Variants in MMP17 observed in about 807,000 individuals in gnomAD.
MMP17 encodes matrix metallopeptidase 17, also known as matrix metalloproteinase-17.
In MMP17, 54 loss-of-function variants were observed where a neutral mutation model predicts 49.1. The ratio of observed to expected loss-of-function variants is 1.10; its 90% CI spans 0.88 to 1.38. MMP17 has a LOEUF of 1.38. Ranked by LOEUF, MMP17 falls within the 40% of genes most tolerant of loss-of-function variation. The pLI, the probability that MMP17 is intolerant of heterozygous loss-of-function variation, is 0.00. For missense variants in MMP17, 837 were observed against 853.7 expected, an observed-to-expected ratio of 0.98 and a Z score of 0.24; for synonymous variants, 397 against 383.1, an observed-to-expected ratio of 1.04 and a Z score of -0.42.
In MMP17 at chr12:131,840,582, G is replaced by T. The variant is rs777423029; in HGVS notation, c.432G>T (p.Thr144=). The T allele has an allele frequency of 4.4e-6, 7 of 1,589,908 alleles. No homozygotes were observed. Among genetic ancestry groups the T allele is most frequent in the Non-Finnish European group, 6.0e-6 (7 of 1,167,022 alleles). Residue 144 remains threonine (T), a synonymous_variant, in exon 4 of 10, where the codon ACG becomes ACT. Transcript: ENST00000360564. ...NKRNLSWRVR[T]FPRDSPLGHD... is the part of the protein sequence containing the mutation. ...TGACCCCTGCCTGCAGGGTCCGGAC[G>T]TTCCCACGGGACTCACCACTGGGGC...
At chr12:131,840,379 C>T (rs1887322946) in intron 3 of MMP17, 194 bp from the exon 4 acceptor site, 2 of 564,738 alleles carry the variant, frequency 3.5e-6, no homozygotes, top group Non-Finnish European at 6.1e-6. Context: ...TTCCCTCCCT[C>T]CGTCATCTAT....
At chr12:131,836,024 C>T (rs1455752252) in intron 1 of MMP17, among the ~76,000 whole-genome samples, 3 of 152,218 alleles carry the variant, frequency 2.0e-5, no homozygotes. Context: ...CCAAGGCTGT[C>T]ACCCCCAAGG....
intron 1 of MMP17, among the ~76,000 whole-genome samples, chr12:131,833,132 C>T (rs897465097): frequency 1.3e-5 from 2 of 152,232 alleles, no homozygotes; most frequent in African/African-American, 4.8e-5. Context: ...AGAACACCCA[C>T]TTCATAAGGT....
intron 5 of MMP17, among the ~76,000 whole-genome samples, chr12:131,843,781 G>C (rs1887546200): frequency 6.6e-6 from 1 of 152,212 alleles, no homozygotes; most frequent in Admixed American, 6.5e-5. Context: ...TTGCAGGGCA[G>C]TGCTCACACA....
At chr12:131,840,486 G>A (rs535346413) in intron 3 of MMP17, 87 bp from the exon 4 acceptor site, 69 of 1,435,472 alleles carry the variant, frequency 4.8e-5, no homozygotes, top group African/African-American at 2.0e-4. Flanking sequence ...GGGCACCCCC[G>A]GGCTGAGGAG....
intron 1 of MMP17, among the ~76,000 whole-genome samples, chr12:131,834,698 G>A (rs1409277497): frequency 2.0e-5 from 3 of 152,048 alleles, no homozygotes; most frequent in Non-Finnish European, 4.4e-5. Flanking sequence ...CTGCAGTGGG[G>A]GGGTTTGCCC....
intron 8 of MMP17, among the ~76,000 whole-genome samples, chr12:131,847,027 C>T (rs545524143): frequency 1.8e-4 from 27 of 150,768 alleles, no homozygotes; most frequent in Admixed American, 1.5e-3. Flanking sequence ...GCAGGAGGAC[C>T]ACCTGAGCCA....
intron 1 of MMP17, among the ~76,000 whole-genome samples, chr12:131,830,598 T>G (rs1226164373): frequency 2.0e-5 from 3 of 152,178 alleles, no homozygotes; most frequent in African/African-American, 7.2e-5. Flanking sequence ...GGCCGGGATC[T>G]GGGCGGGAGC....
At chr12:131,834,457 G>T (rs1237062031) in intron 1 of MMP17, among the ~76,000 whole-genome samples, 2 of 152,180 alleles carry the variant, frequency 1.3e-5, no homozygotes, top group Non-Finnish European at 2.9e-5. Flanking sequence ...CAGGTAGCAG[G>T]TTCCCAGGAT....
chr12:131,840,439 TGGGGAGGAAGGCG>T, intron 3 of MMP17, 121 bp from the exon 4 acceptor site: 3 of 903,662 alleles, frequency 3.3e-6, no homozygotes, highest in East Asian at 2.4e-5. Flanking sequence ...ACTCCTGGCG[TGGGGAGGAAGGCG>T]GAAGATGGGG....
intron 8 of MMP17, among the ~76,000 whole-genome samples, chr12:131,849,597 T>C (rs6598165): frequency 1 from 151,974 of 152,308 alleles, 75,822 homozygotes; most frequent in East Asian, 1. Context: ...CTGGATGGGA[T>C]GGCCCGGACT....
Position 131,841,700 on chromosome 12 carries a change from T to C in MMP17, c.783T>C (p.Ala261=). The change falls in exon 5 of 10, where the codon GCT becomes GCC. Residue 261 remains alanine (A), a synonymous_variant. Coordinates refer to ENST00000360564, the MANE Select transcript of MMP17 (RefSeq NM_016155.7). Reference sequence around the variant, plus strand: ...CCATTGGGTTAAGCCATGTGGCCGCTGCACACTCCATCATGCGGCCGTACT... The same window carrying C: ...CCATTGGGTTAAGCCATGTGGCCGCCGCACACTCCATCATGCGGCCGTACT... The part of the protein sequence containing the change: ...GHAIGLSHVA[A]AHSIMRPYYQ... 1 of 1,614,026 alleles carries C rather than the reference T, an allele frequency of 6.2e-7. No homozygotes were observed. The highest frequency in any genetic ancestry group is 8.5e-7 in the Non-Finnish European group (1 of 1,179,988).
At position 131,841,638 on chromosome 12, in the gene MMP17, G is replaced by T; in HGVS notation, c.721G>T (p.Asp241Tyr). 6.2e-7 allele frequency: 1 copy of T among 1,614,058 alleles called. No individual in the cohort carries two copies. Among genetic ancestry groups the T allele is most frequent in the Non-Finnish European group, 8.5e-7 (1 of 1,180,018 alleles). ...TFRSSDAHGMDLFAVAVHEFG... is the reference protein window; with the variant it reads ...TFRSSDAHGMYLFAVAVHEFG... Reference sequence around the variant, plus strand: ...TGTGTCCCCAGATGCCCACGGGATGGACCTGTTTGCAGTGGCTGTCCACGA... The same window carrying T: ...TGTGTCCCCAGATGCCCACGGGATGTACCTGTTTGCAGTGGCTGTCCACGA... Residue 241 changes from aspartate (D) to tyrosine (Y), a missense_variant, in exon 5 of 10, where the codon GAC becomes TAC. Physicochemically the swap from Asp to Tyr is radical, Grantham distance 160. Transcript: ENST00000360564.
intron 8 of MMP17, among the ~76,000 whole-genome samples, chr12:131,847,109 TAA>T (rs34505286): frequency 2.9e-5 from 4 of 136,642 alleles, no homozygotes; most frequent in Admixed American, 7.3e-5. Flanking sequence ...AGACCTTGTC[TAA>T]AAAAAAAAAA....
At chr12:131,835,367 C>A (rs1566083245) in intron 1 of MMP17, among the ~76,000 whole-genome samples, 1 of 152,236 alleles carries the variant, frequency 6.6e-6, no homozygotes, top group African/African-American at 2.4e-5. Flanking sequence ...GCCGCTCACA[C>A]CTGCAACTAA....
chr12:131,849,302 G>A (rs966844250), intron 8 of MMP17, among the ~76,000 whole-genome samples: 2 of 152,128 alleles, frequency 1.3e-5, no homozygotes, highest in Non-Finnish European at 2.9e-5. Context: ...TGGCCAACAT[G>A]GTGAAACCCC....
chr12:131,843,956 C>T (rs1489267836), intron 5 of MMP17, 41 bp from the exon 6 acceptor site: 5 of 1,404,070 alleles, frequency 3.6e-6, no homozygotes, highest in Admixed American at 2.3e-5. Flanking sequence ...GGGAGGCGGG[C>T]GTCGGGGGTT....
At chr12:131,838,421 A>G in intron 2 of MMP17, 94 bp downstream of exon 2, 1 of 1,506,256 alleles carries the variant, frequency 6.6e-7, no homozygotes, top group Non-Finnish European at 8.9e-7. Context: ...GTCCCGTCTT[A>G]TGCTTGAATG....
intron 1 of MMP17, among the ~76,000 whole-genome samples, chr12:131,835,666 C>A (rs2136314301): frequency 6.6e-6 from 1 of 152,308 alleles, no homozygotes; most frequent in Non-Finnish European, 1.5e-5. Flanking sequence ...CAGCAGCTGG[C>A]CTGGGTGGGA....
Sources: allele counts gnomAD v4.1 joint callset (sites outside exome capture counted in the v4.1 genomes callset), GRCh38; gene constraint gnomAD v4.1.1; transcripts MANE v1.5; gene names NCBI Gene and HGNC (gene_info 2026-07-23, HGNC 2026-07-21).